LARGE1: variants seen among roughly 807,000 people sequenced by gnomAD.
The protein encoded by LARGE1 is xylosyl- and glucuronyltransferase LARGE1.
In LARGE1, 43 loss-of-function variants were observed where a neutral mutation model predicts 87.6. The observed-to-expected ratio is 0.49, with a 90% CI of 0.38 to 0.63. The LOEUF is 0.63. Ranked by LOEUF, LARGE1 falls within the 30% of genes least tolerant of loss-of-function variation. The pLI is 0.00. For missense variants in LARGE1, 802 were observed against 1,000.2 expected (o/e 0.80, Z 2.67); for synonymous variants, 434 against 394.6 (o/e 1.10, Z -1.18).
chr22:33,135,770 G>A, the LARGE1 span, among the ~76,000 whole-genome samples: 5 of 152,112 alleles, frequency 3.3e-5, no homozygotes, highest in African/African-American at 1.2e-4. Flanking sequence ...AACCTGGGAG[G>A]CAGAGGTTGC....
intron 10 of LARGE1, among the ~76,000 whole-genome samples, chr22:33,332,717 C>T (rs928021502): frequency 2.0e-5 from 3 of 152,164 alleles, no homozygotes; most frequent in South Asian, 2.1e-4. Flanking sequence ...TAACACTTGA[C>T]GCGCTGCGGA....
intron 6 of LARGE1, among the ~76,000 whole-genome samples, chr22:33,433,438 T>C (rs1375589015): frequency 1.3e-5 from 2 of 151,302 alleles, no homozygotes; most frequent in Non-Finnish European, 2.9e-5. Flanking sequence ...CTACTAAAAA[T>C]ACAAAAAATT....
chr22:33,462,998 G>T (rs945286723), intron 6 of LARGE1, among the ~76,000 whole-genome samples: 3 of 151,944 alleles, frequency 2.0e-5, no homozygotes, highest in Admixed American at 6.6e-5. Context: ...TAAGATTCTT[G>T]GTATATAACT....
At chr22:33,086,645 C>A in the LARGE1 span, among the ~76,000 whole-genome samples, 3 of 151,226 alleles carry the variant, frequency 2.0e-5, no homozygotes, top group African/African-American at 7.3e-5. Flanking sequence ...CTCTGCCTCC[C>A]GGGTTCAAGC....
intron 1 of LARGE1, among the ~76,000 whole-genome samples, chr22:33,825,721 T>C (rs1349430497): frequency 1.3e-5 from 2 of 152,110 alleles, no homozygotes; most frequent in Admixed American, 6.6e-5. Context: ...AAGGTGAGAT[T>C]TGGGTGGGGC....
chr22:33,308,184 C>T (rs1935152993), intron 11 of LARGE1, among the ~76,000 whole-genome samples: 1 of 152,124 alleles, frequency 6.6e-6, no homozygotes, highest in Non-Finnish European at 1.5e-5. Flanking sequence ...ACGGCCAGGT[C>T]AGAAACCCAG....
intron 4 of LARGE1, among the ~76,000 whole-genome samples, chr22:33,622,375 C>A (rs1435101765): frequency 1.3e-5 from 2 of 152,280 alleles, no homozygotes; most frequent in South Asian, 2.1e-4. Flanking sequence ...TCCCGCTTCA[C>A]CTTCCGCCAT....
chr22:33,279,281 A>T (rs1233233489), intron 13 of LARGE1, among the ~76,000 whole-genome samples: 1 of 152,178 alleles, frequency 6.6e-6, no homozygotes, highest in African/African-American at 2.4e-5. Context: ...AGCTTCATGA[A>T]ATGAAAACAA....
chr22:33,328,207 A>G (rs1224907869), intron 10 of LARGE1, among the ~76,000 whole-genome samples: 1 of 152,236 alleles, frequency 6.6e-6, no homozygotes, highest in Non-Finnish European at 1.5e-5. Context: ...CCACTCAACT[A>G]TGAATCAGGG....
intron 6 of LARGE1, among the ~76,000 whole-genome samples, chr22:33,558,102 G>A (rs1281916236): frequency 1.3e-5 from 2 of 152,118 alleles, no homozygotes; most frequent in East Asian, 3.9e-4. Flanking sequence ...GGGCAAAACA[G>A]TCTCTCAAGT....
chr22:33,361,012 C>T (rs2064369909), intron 9 of LARGE1, among the ~76,000 whole-genome samples: 1 of 148,942 alleles, frequency 6.7e-6, no homozygotes, highest in Non-Finnish European at 1.5e-5. Context: ...GTCGGGAGTT[C>T]AAGACAAGCC....
At chr22:33,457,795 T>C (rs1455721984) in intron 6 of LARGE1, among the ~76,000 whole-genome samples, 1 of 151,828 alleles carries the variant, frequency 6.6e-6, no homozygotes, top group African/African-American at 2.4e-5. Flanking sequence ...GAGTGGGAGG[T>C]AGAAGGCCTT....
At chr22:33,455,839 T>C (rs1462535057) in intron 6 of LARGE1, among the ~76,000 whole-genome samples, 3 of 152,034 alleles carry the variant, frequency 2.0e-5, no homozygotes, top group African/African-American at 7.2e-5. Flanking sequence ...GTCTGCATTC[T>C]TGTGCGTGAA....
At position 33,697,631 on chromosome 22, in the gene LARGE1, G is replaced by T. The variant is rs563645083; in HGVS notation, c.107-46963C>A. Among the ~76,000 whole-genome samples, 3 of 148,520 alleles carry T rather than the reference G, an allele frequency of 2.0e-5. No homozygotes were observed. In the East Asian group the frequency reaches 6.0e-4, roughly 30 times the overall value. ...CTCTTGTCTGTAACTGAACTCTAAT[G>T]GTTATAGTCCCACAGCTAATTATTG... On this transcript the variant is annotated intron_variant, in intron 2 of 14. Transcript: ENST00000397394.
chr22:33,443,756 T>C (rs1037269696), intron 6 of LARGE1, among the ~76,000 whole-genome samples: 4 of 152,228 alleles, frequency 2.6e-5, no homozygotes, highest in African/African-American at 9.6e-5. Context: ...GAAATAATGA[T>C]TTTTCTCTTC....
At chr22:33,134,433 A>G in the LARGE1 span, among the ~76,000 whole-genome samples, 1 of 151,844 alleles carries the variant, frequency 6.6e-6, no homozygotes, top group African/African-American at 2.4e-5. Flanking sequence ...TAATTTTTGT[A>G]TTTTTAGTAG....
chr22:33,748,135 GTT>G (rs367726760), intron 2 of LARGE1, among the ~76,000 whole-genome samples: 2 of 126,776 alleles, frequency 1.6e-5, no homozygotes, highest in Non-Finnish European at 1.7e-5. Flanking sequence ...ATGCAGGTTT[GTT>G]TTTTTTTTTT....
intron 2 of LARGE1, among the ~76,000 whole-genome samples, chr22:33,701,721 GC>G (rs1258016150): frequency 3.9e-5 from 6 of 152,230 alleles, no homozygotes; most frequent in Non-Finnish European, 8.8e-5. Context: ...ATGCCCAACT[GC>G]CACAGGGGCA....
At chr22:33,807,546 T>G (rs2086351773) in intron 1 of LARGE1, among the ~76,000 whole-genome samples, 1 of 152,212 alleles carries the variant, frequency 6.6e-6, no homozygotes, top group African/African-American at 2.4e-5. Flanking sequence ...TAAAGTCCAC[T>G]GTTTACATGA....
Sources: gnomAD v4.1 joint callset for allele counts (sites outside exome capture counted in the v4.1 genomes callset) on GRCh38, gnomAD v4.1.1 for gene constraint, MANE v1.5 for transcripts, NCBI Gene and HGNC (gene_info 2026-07-23, HGNC 2026-07-21) for gene names.